The following RAB35 variants were observed in gnomAD, a reference collection of about 807,000 sequenced individuals.
RAB35 encodes RAB35, member RAS oncogene family.
Under a neutral mutation model 28.9 loss-of-function variants are expected in RAB35, and 4 were observed. The observed-to-expected ratio is 0.14, with a 90% confidence interval of 0.07 to 0.32. The LOEUF is 0.32. RAB35 is among the 10% of genes least tolerant of loss of function. The pLI is 1.00. For missense variants in RAB35, 128 were observed against 274.0 expected, an observed-to-expected ratio of 0.47 and a Z score of 3.76; for synonymous variants, 99 against 105.1, an observed-to-expected ratio of 0.94 and a Z score of 0.35.
chr12:120,113,214 A>G (rs1876193089), intron 1 of RAB35, among the ~76,000 whole-genome samples: 1 of 134,320 alleles, frequency 7.4e-6, no homozygotes, highest in African/African-American at 2.9e-5. Context: ...TTTTTTTAAG[A>G]GATGGGGTCT....
chr12:120,110,289 C>CTTTTTTTTTTTTTTT (rs1430969524), intron 1 of RAB35, among the ~76,000 whole-genome samples: 12 of 24,954 alleles, frequency 4.8e-4, no homozygotes, highest in East Asian at 5.3e-3. Flanking sequence ...AAGCCCACAG[C>CTTTTTTTTTTTTTTT]ATTTTTTTTT....
chr12:120,113,000 C>A (rs1162662402), intron 1 of RAB35, among the ~76,000 whole-genome samples: 1 of 151,500 alleles, frequency 6.6e-6, no homozygotes, highest in African/African-American at 2.4e-5. Flanking sequence ...AAATGATTCT[C>A]CTGCCTCAGC....
At chr12:120,101,761 C>T (rs1355863718) in intron 3 of RAB35, among the ~76,000 whole-genome samples, 2 of 137,900 alleles carry the variant, frequency 1.5e-5, no homozygotes, top group Non-Finnish European at 3.2e-5. Flanking sequence ...GGGGCCCAGC[C>T]GCTGCCCACA....
chr12:120,102,259 T>C (rs1205758327), intron 3 of RAB35, among the ~76,000 whole-genome samples: 1 of 152,208 alleles, frequency 6.6e-6, no homozygotes, highest in African/African-American at 2.4e-5. Flanking sequence ...GCTGAAATCC[T>C]AGCGACAGGA....
At position 120,097,105 on chromosome 12, in the gene RAB35, G is replaced by A. The variant is rs761874873; in HGVS notation, c.*140C>T. ...CGAGGAGGGCGGGGGAGGAAGTGCCGATGGCACCTCCCGATACAAAAACAT... is the reference window on the plus strand; with the variant it reads ...CGAGGAGGGCGGGGGAGGAAGTGCCAATGGCACCTCCCGATACAAAAACAT... On this transcript the variant is annotated 3_prime_UTR_variant, in exon 6 of 6. Coordinates refer to ENST00000229340, the MANE Select transcript of RAB35 (RefSeq NM_006861.7). The A allele has an allele frequency of 2.1e-5, 34 of 1,588,394 alleles. No individual in the cohort carries two copies. Among genetic ancestry groups the A allele is most frequent in the Middle Eastern group, 3.3e-4 (2 of 6,024 alleles).
In RAB35 at chr12:120,095,339, G is replaced by C. The variant is rs575904553; in HGVS notation, c.*1906C>G. 2.0e-5 allele frequency: 3 copies of C among 152,020 alleles called. No homozygotes were observed. The highest frequency in any genetic ancestry group is 7.3e-5 in the African/African-American group (3 of 41,294). 9.4% of individuals were successfully genotyped at this position (152,020 alleles called of 1,614,324 possible). A position where few individuals can be genotyped will look rare whatever the true frequency, so the allele number is the denominator to read the frequency against. On this transcript the variant is annotated 3_prime_UTR_variant, in exon 6 of 6. Coordinates refer to ENST00000229340, the MANE Select transcript of RAB35 (RefSeq NM_006861.7). ...GACCAAAATCACCCCAATACCTGGG[G>C]CTGATGTCCAGCTGCCAGAAGCCAT...
At chr12:120,097,622 C>T (rs1392988441) in intron 5 of RAB35, among the ~76,000 whole-genome samples, 2 of 152,204 alleles carry the variant, frequency 1.3e-5, no homozygotes, top group African/African-American at 4.8e-5. Flanking sequence ...TGGTGCACAC[C>T]TGTAGTCCCA....
chr12:120,110,791 C>T (rs1421482661), intron 1 of RAB35, among the ~76,000 whole-genome samples: 1 of 152,194 alleles, frequency 6.6e-6, no homozygotes, highest in Non-Finnish European at 1.5e-5. Flanking sequence ...TAAAGACAGG[C>T]CAGGGTGAGG....
At chr12:120,109,657 CTTT>C (rs543003528) in intron 1 of RAB35, among the ~76,000 whole-genome samples, 3 of 120,018 alleles carry the variant, frequency 2.5e-5, no homozygotes, top group African/African-American at 3.1e-5. Flanking sequence ...GTTGCCCAGG[CTTT>C]TTTTTTTTTT....
intron 1 of RAB35, among the ~76,000 whole-genome samples, chr12:120,111,628 C>T (rs1876122096): frequency 6.6e-6 from 1 of 151,874 alleles, no homozygotes; most frequent in South Asian, 2.1e-4. Context: ...TTGCAGCGAA[C>T]TGAGATCGTG....
chr12:120,101,660 G>A (rs1012768541), intron 3 of RAB35, among the ~76,000 whole-genome samples: 6 of 152,162 alleles, frequency 3.9e-5, no homozygotes, highest in African/African-American at 7.2e-5. Context: ...CCCTCAGGGC[G>A]CCCTGCTGGG....
At chr12:120,113,685 G>A (rs1289877999) in intron 1 of RAB35, among the ~76,000 whole-genome samples, 1 of 152,106 alleles carries the variant, frequency 6.6e-6, no homozygotes, top group Non-Finnish European at 1.5e-5. Flanking sequence ...GGGCATGGTG[G>A]TGGGCACCTG....
intron 1 of RAB35, 85 bp from the exon 2 acceptor site, chr12:120,108,552 C>G: frequency 7.7e-7 from 1 of 1,304,026 alleles, no homozygotes; most frequent in Non-Finnish European, 1.1e-6. Context: ...GAGGATGCCT[C>G]AGTCCCAACT....
intron 3 of RAB35, among the ~76,000 whole-genome samples, chr12:120,101,736 C>G (rs944339453): frequency 3.6e-5 from 5 of 139,196 alleles, no homozygotes; most frequent in Non-Finnish European, 4.7e-5. Flanking sequence ...TCCCCAGACA[C>G]GTGGGACGGC....
chr12:120,104,656 G>C (rs1030948164), intron 2 of RAB35, among the ~76,000 whole-genome samples: 1 of 133,624 alleles, frequency 7.5e-6, no homozygotes, highest in Non-Finnish European at 1.5e-5. Flanking sequence ...TTTTTTTGGT[G>C]GGGGGGGGAC....
At chr12:120,102,206 G>C (rs1167849229) in intron 3 of RAB35, among the ~76,000 whole-genome samples, 1 of 152,198 alleles carries the variant, frequency 6.6e-6, no homozygotes, top group South Asian at 2.1e-4. Context: ...ATAAAATGGA[G>C]ATAGTCACAG....
At chr12:120,108,225 A>C (rs1875968824) in intron 2 of RAB35, among the ~76,000 whole-genome samples, 192 bp downstream of exon 2, 1 of 152,184 alleles carries the variant, frequency 6.6e-6, no homozygotes. Context: ...CAGGTGCATT[A>C]GACAGACCAC....
Position 120,095,389 on chromosome 12 carries a change from G to GCCCCCAGGAAC in RAB35, c.*1845_*1855dup, listed in dbSNP as rs1875332083. On this transcript the variant is annotated 3_prime_UTR_variant, in exon 6 of 6. Coordinates refer to ENST00000229340, the MANE Select transcript of RAB35 (RefSeq NM_006861.7). ...TGGGGGCTTCTAGCCTGGGCTGGAA[G>GCCCCCAGGAAC]CCCCCAGGAACCCCCCTCTTATTGC... The GCCCCCAGGAAC allele has an allele frequency of 6.6e-6, 1 of 152,322 alleles. No individual in the cohort carries two copies. The highest frequency in any genetic ancestry group is 2.4e-5 in the African/African-American group (1 of 41,348). 9.4% of individuals were successfully genotyped at this position (152,322 alleles called of 1,614,324 possible).
At chr12:120,112,943 T>A (rs993154094) in intron 1 of RAB35, among the ~76,000 whole-genome samples, 1 of 149,618 alleles carries the variant, frequency 6.7e-6, no homozygotes, top group Non-Finnish European at 1.5e-5. Flanking sequence ...CAGGCTGGAG[T>A]ACAGTGGCAC....
Sources: gnomAD v4.1 joint callset for allele counts (sites outside exome capture counted in the v4.1 genomes callset) on GRCh38, gnomAD v4.1.1 for gene constraint, MANE v1.5 for transcripts, NCBI Gene and HGNC (gene_info 2026-07-23, HGNC 2026-07-21) for gene names.